The following TMEM131 variants were observed in gnomAD, a reference collection of about 807,000 sequenced individuals.
The protein encoded by TMEM131 is transmembrane protein 131.
TMEM131 carries 66 observed loss-of-function variants against 211.6 expected under a neutral mutation model. That is an observed-to-expected ratio of 0.31 (90% CI 0.26 to 0.38). The LOEUF is 0.38. TMEM131 is among the 10% of genes least tolerant of loss of function. The probability of loss-of-function intolerance (pLI) is 1.00; values close to 1 mark genes in which losing one functional copy is unlikely to be tolerated. For missense variants in TMEM131, 2,036 were observed against 2,299.3 expected (o/e 0.89, Z 2.34); for synonymous variants, 844 against 841.3 (o/e 1.00, Z -0.06).
At chr2:97,950,532 C>T (rs1678262139) in intron 1 of TMEM131, among the ~76,000 whole-genome samples, 1 of 152,178 alleles carries the variant, frequency 6.6e-6, no homozygotes. Context: ...AGCAGCTCTA[C>T]ACTCTGTGGC....
intron 1 of TMEM131, among the ~76,000 whole-genome samples, chr2:97,928,379 C>T (rs1677077256): frequency 6.7e-6 from 1 of 148,940 alleles, no homozygotes; most frequent in African/African-American, 2.6e-5. Flanking sequence ...GGTGGTAAAA[C>T]CATTCTTTAT....
chr2:97,987,364 G>C (rs138598526), intron 1 of TMEM131, among the ~76,000 whole-genome samples: 1 of 152,052 alleles, frequency 6.6e-6, no homozygotes, highest in Non-Finnish European at 1.5e-5. Context: ...TTAGCTGAGC[G>C]TGGTGGCACA....
chr2:97,785,622 T>C (rs557455173), intron 31 of TMEM131, among the ~76,000 whole-genome samples: 1 of 152,250 alleles, frequency 6.6e-6, no homozygotes, highest in East Asian at 1.9e-4. Context: ...TCTTAAAAAA[T>C]GAAATATGCA....
At chr2:97,800,478 T>C (rs1017472715) in intron 25 of TMEM131, among the ~76,000 whole-genome samples, 1 of 152,002 alleles carries the variant, frequency 6.6e-6, no homozygotes, top group Admixed American at 6.6e-5. Flanking sequence ...GGCCGGGCAC[T>C]GTGGCTCACG....
chr2:97,914,408 T>C (rs1676421419), intron 2 of TMEM131, among the ~76,000 whole-genome samples: 1 of 152,212 alleles, frequency 6.6e-6, no homozygotes, highest in Non-Finnish European at 1.5e-5. Flanking sequence ...TCATTTGTGT[T>C]TGTTCATGTA....
rs1573304421 is a variant in TMEM131, at chr2:97,756,615, A to G, written c.*484T>C. Reference sequence around the variant, plus strand: ...CAGCCTTACTTTAAAAAAATACTCTATTTTCAGCACAAAGTCCTCATACAG... The same window carrying G: ...CAGCCTTACTTTAAAAAAATACTCTGTTTTCAGCACAAAGTCCTCATACAG... On this transcript the variant is annotated 3_prime_UTR_variant, in exon 41 of 41. Transcript: ENST00000186436. The G allele has an allele frequency of 6.6e-6, 1 of 152,362 alleles. No individual in the cohort carries two copies. Among genetic ancestry groups the G allele is most frequent in the Non-Finnish European group, 1.5e-5 (1 of 68,168 alleles). 9.4% of individuals were successfully genotyped at this position (152,362 alleles called of 1,614,324 possible). A position where few individuals can be genotyped will look rare whatever the true frequency, so the allele number is the denominator to read the frequency against.
chr2:97,955,012 C>A (rs80273877), intron 1 of TMEM131, among the ~76,000 whole-genome samples: 2 of 151,886 alleles, frequency 1.3e-5, no homozygotes, highest in Non-Finnish European at 2.9e-5. Flanking sequence ...CAAAGCTAGA[C>A]AAAACCATTG....
intron 2 of TMEM131, among the ~76,000 whole-genome samples, chr2:97,923,996 C>T (rs1422282947): frequency 6.6e-6 from 1 of 152,018 alleles, no homozygotes; most frequent in African/African-American, 2.4e-5. Flanking sequence ...AGGAGAATGG[C>T]GTGAACCCAG....
At chr2:97,888,962 G>T (rs1171311310) in intron 3 of TMEM131, among the ~76,000 whole-genome samples, 1 of 152,150 alleles carries the variant, frequency 6.6e-6, no homozygotes, top group Non-Finnish European at 1.5e-5. Context: ...GAAATTCATA[G>T]TAACGTAAGC....
intron 40 of TMEM131, among the ~76,000 whole-genome samples, chr2:97,758,523 C>T (rs906710557): frequency 2.6e-5 from 4 of 152,232 alleles, no homozygotes; most frequent in Non-Finnish European, 5.9e-5. Flanking sequence ...CTGCATTGCA[C>T]AGATGCCGAA....
intron 3 of TMEM131, among the ~76,000 whole-genome samples, chr2:97,908,327 A>G (rs1455498535): frequency 6.6e-6 from 1 of 152,152 alleles, no homozygotes; most frequent in Non-Finnish European, 1.5e-5. Context: ...AACTGGGGGC[A>G]GCAGTGGTCA....
At chr2:97,764,045 C>T (rs1352093251) in intron 35 of TMEM131, 1 of 152,138 alleles carries the variant, frequency 6.6e-6, no homozygotes, top group African/African-American at 2.4e-5. Flanking sequence ...CTTTTTAAAT[C>T]ATGAAATTAT....
intron 4 of TMEM131, among the ~76,000 whole-genome samples, chr2:97,877,246 G>A (rs1674735481): frequency 6.6e-6 from 1 of 152,156 alleles, no homozygotes; most frequent in Admixed American, 6.5e-5. Context: ...CTCATGGATA[G>A]GAAGAATCAA....
chr2:97,960,467 A>G (rs1371287420), intron 1 of TMEM131, among the ~76,000 whole-genome samples: 1 of 151,894 alleles, frequency 6.6e-6, no homozygotes, highest in Non-Finnish European at 1.5e-5. Context: ...CCTTCAAGCC[A>G]GTTTTTGTGT....
At chr2:97,930,658 A>T (rs911242991) in intron 1 of TMEM131, among the ~76,000 whole-genome samples, 2 of 151,808 alleles carry the variant, frequency 1.3e-5, no homozygotes, top group Non-Finnish European at 2.9e-5. Context: ...GCCTCAAAAA[A>T]CAGAACACTA....
In TMEM131 at chr2:97,890,425, T is replaced by C. The variant is rs185968070; in HGVS notation, c.291-2305A>G. ...AACAGGTTGTGCTGATGGATTGATTTTGAGGGATCAAGGATAACTCATTCT... is the reference window on the plus strand; with the variant it reads ...AACAGGTTGTGCTGATGGATTGATTCTGAGGGATCAAGGATAACTCATTCT... On this transcript the variant is annotated intron_variant, in intron 3 of 40. Transcript: ENST00000186436. 4.2e-3 allele frequency among the ~76,000 whole-genome samples: 634 copies of C among 152,294 alleles called. 14 individuals are homozygous for C. Among genetic ancestry groups the C allele is most frequent in the Non-Finnish European group, 5.9e-4 (40 of 68,022 alleles).
chr2:97,858,875 G>A (rs1673952239), intron 5 of TMEM131, among the ~76,000 whole-genome samples: 1 of 152,188 alleles, frequency 6.6e-6, no homozygotes, highest in African/African-American at 2.4e-5. Context: ...GACTCAGCCC[G>A]GAAGACATCT....
chr2:97,840,235 G>T (rs929249365), intron 7 of TMEM131, among the ~76,000 whole-genome samples: 11 of 152,278 alleles, frequency 7.2e-5, no homozygotes, highest in African/African-American at 2.4e-4. Context: ...CACTGTGCTG[G>T]GCTTGGTAAC....
intron 33 of TMEM131, among the ~76,000 whole-genome samples, chr2:97,770,704 A>G (rs1217447463): frequency 1.3e-5 from 2 of 152,218 alleles, no homozygotes; most frequent in African/African-American, 4.8e-5. Context: ...CTATCTGCTT[A>G]ACAATACTAA....
Sources: gnomAD v4.1 joint callset for allele counts (sites outside exome capture counted in the v4.1 genomes callset) on GRCh38, gnomAD v4.1.1 for gene constraint, MANE v1.5 for transcripts, NCBI Gene and HGNC (gene_info 2026-07-23, HGNC 2026-07-21) for gene names.